The following FSTL4 variants were observed in gnomAD, a reference collection of about 807,000 sequenced individuals.
FSTL4 encodes the protein follistatin-related protein 4.
Under a neutral mutation model 78.2 loss-of-function variants are expected in FSTL4, and 28 were observed. That is an observed-to-expected ratio of 0.36 (90% CI 0.27 to 0.49). The LOEUF is 0.49. Among genes scored for constraint, FSTL4 ranks in the 20% least tolerant of loss-of-function variants. The probability of loss-of-function intolerance (pLI) is 0.98; values close to 1 mark genes in which losing one functional copy is unlikely to be tolerated. For missense variants in FSTL4, 922 were observed against 1,084.9 expected (o/e 0.85, Z 2.11); for synonymous variants, 422 against 440.5 (o/e 0.96, Z 0.53).
upstream of FSTL4, among the ~76,000 whole-genome samples, chr5:133,616,310 A>AATCAATCT (rs1554073699): frequency 3.5e-3 from 511 of 147,268 alleles, 3 homozygotes; most frequent in African/African-American, 0.012. Flanking sequence ...TGAAAATCTA[A>AATCAATCT]ATCTATCTAT....
intron 8 of FSTL4, among the ~76,000 whole-genome samples, chr5:133,229,762 A>G (rs981029268): frequency 1.3e-5 from 2 of 152,242 alleles, no homozygotes; most frequent in Non-Finnish European, 1.5e-5. Flanking sequence ...TGCATTTTAC[A>G]AAGCTGTCAA....
the FSTL4 span, among the ~76,000 whole-genome samples, chr5:133,641,000 G>C: frequency 6.6e-6 from 1 of 152,122 alleles, no homozygotes; most frequent in Non-Finnish European, 1.5e-5. Flanking sequence ...TCCTTGGCAG[G>C]GGTACCATGT....
chr5:133,643,826 C>G, the FSTL4 span, among the ~76,000 whole-genome samples: 1 of 152,112 alleles, frequency 6.6e-6, no homozygotes, highest in East Asian at 1.9e-4. Context: ...GAGAGAAAAT[C>G]GAATGAAGCC....
At chr5:133,814,168 G>A in the FSTL4 span, among the ~76,000 whole-genome samples, 1 of 152,354 alleles carries the variant, frequency 6.6e-6, no homozygotes, top group Admixed American at 6.5e-5. Context: ...AATGTGGGAA[G>A]AGTGAGAAAT....
At chr5:133,311,146 T>C (rs1753771323) in intron 6 of FSTL4, among the ~76,000 whole-genome samples, 1 of 152,190 alleles carries the variant, frequency 6.6e-6, no homozygotes, top group Non-Finnish European at 1.5e-5. Context: ...CTTGTAAAAT[T>C]CCTGAAAATT....
At chr5:133,808,955 G>A in the FSTL4 span, among the ~76,000 whole-genome samples, 3 of 151,224 alleles carry the variant, frequency 2.0e-5, no homozygotes, top group Non-Finnish European at 2.9e-5. Context: ...CTGTCAGGAC[G>A]TGTGGTCACT....
chr5:133,669,297 G>T, the FSTL4 span, among the ~76,000 whole-genome samples: 2 of 152,116 alleles, frequency 1.3e-5, no homozygotes, highest in Non-Finnish European at 2.9e-5. Context: ...ATCCTGAGAT[G>T]GGGGGGCAAG....
rs1554109350 is a variant in FSTL4 at position 133,376,899 on chromosome 5, A to AAAG, written c.409+23838_409+23839insCTT. 1.5e-3 allele frequency among the ~76,000 whole-genome samples: 235 copies of AAAG among 151,778 alleles called. 2 individuals carry two copies. The highest frequency in any genetic ancestry group is 1.5e-3 in the South Asian group (7 of 4,816). ...GCAAGAGTCTGTCTCAAAAAAAAAAAAAAAAAGAAAATCTACTAAATTCAG... is the reference window on the plus strand; with the variant it reads ...GCAAGAGTCTGTCTCAAAAAAAAAAAAAGAAAAAAGAAAATCTACTAAATTCAG... On this transcript the variant is annotated intron_variant, in intron 4 of 15. Coordinates refer to ENST00000265342, the MANE Select transcript of FSTL4 (RefSeq NM_015082.2).
chr5:133,363,170 A>C (rs911294656), intron 4 of FSTL4, among the ~76,000 whole-genome samples: 2 of 151,894 alleles, frequency 1.3e-5, no homozygotes, highest in African/African-American at 4.8e-5. Flanking sequence ...TGCATACTTC[A>C]CAGAGAAAAA....
At chr5:133,697,325 T>C in the FSTL4 span, among the ~76,000 whole-genome samples, 1 of 152,102 alleles carries the variant, frequency 6.6e-6, no homozygotes, top group Middle Eastern at 3.2e-3. Flanking sequence ...CCCTGCCCAA[T>C]TCAGCGCCCA....
chr5:133,736,448 C>A, the FSTL4 span, among the ~76,000 whole-genome samples: 2 of 152,144 alleles, frequency 1.3e-5, no homozygotes, highest in Non-Finnish European at 2.9e-5. Flanking sequence ...AAAGCAACAG[C>A]AGAAGGAACA....
chr5:133,597,640 G>A (rs1436118281), intron 2 of FSTL4, among the ~76,000 whole-genome samples: 1 of 152,186 alleles, frequency 6.6e-6, no homozygotes, highest in Admixed American at 6.5e-5. Context: ...AAATACCAAA[G>A]AGGCACACAG....
intron 4 of FSTL4, among the ~76,000 whole-genome samples, chr5:133,375,300 A>ATGTG (rs1554109202): frequency 7.6e-6 from 1 of 131,680 alleles, no homozygotes; most frequent in African/African-American, 2.6e-5. Flanking sequence ...GCATATATAT[A>ATGTG]TATATATATA....
At chr5:133,245,354 G>A (rs758640172) in intron 7 of FSTL4, among the ~76,000 whole-genome samples, 1 of 152,164 alleles carries the variant, frequency 6.6e-6, no homozygotes, top group Non-Finnish European at 1.5e-5. Context: ...TCTTAGGCTG[G>A]AAAAGGCGCT....
intron 8 of FSTL4, among the ~76,000 whole-genome samples, chr5:133,227,768 G>T (rs1274417218): frequency 6.6e-6 from 1 of 152,164 alleles, no homozygotes; most frequent in East Asian, 1.9e-4. Flanking sequence ...AACTGGTAAA[G>T]AAATCTAAGA....
intron 3 of FSTL4, among the ~76,000 whole-genome samples, chr5:133,455,398 T>C (rs1220205592): frequency 6.6e-6 from 1 of 152,214 alleles, no homozygotes; most frequent in Non-Finnish European, 1.5e-5. Context: ...ATTTCTGGCA[T>C]AGTAACTTCT....
the FSTL4 span, among the ~76,000 whole-genome samples, chr5:133,824,038 C>T: frequency 2.0e-5 from 3 of 152,248 alleles, no homozygotes; most frequent in Non-Finnish European, 4.4e-5. Context: ...CCTCTACCCC[C>T]ACACCACCCA....
chr5:133,590,825 C>G (rs1165905537), intron 2 of FSTL4, among the ~76,000 whole-genome samples: 1 of 152,098 alleles, frequency 6.6e-6, no homozygotes, highest in Non-Finnish European at 1.5e-5. Flanking sequence ...CTGGGAAGTC[C>G]AAGATTGAGG....
At chr5:133,435,947 C>T (rs1480927409) in intron 3 of FSTL4, among the ~76,000 whole-genome samples, 1 of 152,124 alleles carries the variant, frequency 6.6e-6, no homozygotes, top group Admixed American at 6.6e-5. Context: ...CCTTTAATCT[C>T]CTTATGCCAT....
Sources: allele counts gnomAD v4.1 joint callset (sites outside exome capture counted in the v4.1 genomes callset), GRCh38; gene constraint gnomAD v4.1.1; transcripts MANE v1.5; gene names NCBI Gene and HGNC (gene_info 2026-07-23, HGNC 2026-07-21).